AFF3: variants seen among roughly 807,000 people sequenced by gnomAD.
AFF3 encodes the protein AF4/FMR2 family member 3.
In AFF3, 32 loss-of-function variants were observed where a neutral mutation model predicts 129.7. The observed-to-expected ratio is 0.25, with a 90% CI of 0.19 to 0.33. The LOEUF (loss-of-function observed/expected upper bound fraction) is 0.33. Among genes scored for constraint, AFF3 ranks in the 10% least tolerant of loss-of-function variants. The probability of loss-of-function intolerance (pLI) is 1.00; values close to 1 mark genes in which losing one functional copy is unlikely to be tolerated. For missense variants in AFF3, 1,373 were observed against 1,592.0 expected (o/e 0.86, Z 2.34); for synonymous variants, 644 against 635.4 (o/e 1.01, Z -0.20).
intron 2 of AFF3, among the ~76,000 whole-genome samples, chr2:100,120,468 C>A (rs938207254): frequency 6.7e-6 from 1 of 150,148 alleles, no homozygotes; most frequent in African/African-American, 2.5e-5. Context: ...CACCCCCAAC[C>A]CCCACCCTCT....
chr2:100,086,635 T>C (rs1382699873), intron 4 of AFF3, among the ~76,000 whole-genome samples: 8 of 152,210 alleles, frequency 5.3e-5, no homozygotes, highest in African/African-American at 1.9e-4. Context: ...CAGGTAACAA[T>C]TCAAGTCCAG....
intron 22 of AFF3, among the ~76,000 whole-genome samples, chr2:99,557,318 C>T (rs1226660506): frequency 4.9e-5 from 7 of 141,562 alleles, no homozygotes; most frequent in East Asian, 2.0e-4. Context: ...CTCACTCTGT[C>T]GCCCAGGCTG....
chr2:99,629,493 C>T (rs1682927891), intron 13 of AFF3, among the ~76,000 whole-genome samples: 1 of 152,182 alleles, frequency 6.6e-6, no homozygotes, highest in African/African-American at 2.4e-5. Flanking sequence ...CAAAACACTG[C>T]TCAAAGCAAT....
At chr2:99,969,892 T>A (rs1398924310) in intron 7 of AFF3, among the ~76,000 whole-genome samples, 1 of 152,206 alleles carries the variant, frequency 6.6e-6, no homozygotes, top group Non-Finnish European at 1.5e-5. Context: ...GTATCTTTTA[T>A]AATTAGAACT....
chr2:99,979,035 A>ATG (rs1480439284), intron 7 of AFF3, among the ~76,000 whole-genome samples: 14,242 of 152,032 alleles, frequency 0.094, 919 homozygotes, highest in Non-Finnish European at 0.13. Context: ...GAAGAGATCA[A>ATG]CGCAATGATC....
chr2:99,618,224 CTTTTTT>C (rs70940180), intron 13 of AFF3, among the ~76,000 whole-genome samples: 109 of 80,038 alleles, frequency 1.4e-3, no homozygotes, highest in Middle Eastern at 6.9e-3. Context: ...TCATAACATT[CTTTTTT>C]TTTTTTTTTT....
chr2:99,921,521 C>T (rs375751414), intron 7 of AFF3, among the ~76,000 whole-genome samples: 86 of 152,220 alleles, frequency 5.6e-4, no homozygotes, highest in African/African-American at 2.0e-3. Context: ...GTTTTAATAA[C>T]TGTACCATGG....
chr2:99,601,574 T>C lies in AFF3; in HGVS notation c.1232A>G (p.Lys411Arg), dbSNP rs764475779. The C allele has an allele frequency of 5.0e-6, 8 of 1,600,594 alleles. No homozygotes were observed. The East Asian group carries it at 1.8e-4, about 36-fold the overall frequency. The change falls in exon 14 of 25, where the codon AAG becomes AGG. Residue 411 changes from lysine to arginine, a missense_variant. Lys to Arg is a conservative substitution (Grantham distance 26, BLOSUM62 2). Transcript: ENST00000672756. The part of the protein sequence containing the change: ...PNCRTSVPSS[K>R]GSSSSSSSGS... ...GCTGCTGCTGCTGCTGCTGCTGCCC[T>C]TGCTGGAAGGCACCGAGGTTCTGCA...
chr2:99,558,525 CAGG>C (rs1221341047), intron 22 of AFF3, among the ~76,000 whole-genome samples: 1 of 152,094 alleles, frequency 6.6e-6, no homozygotes, highest in Non-Finnish European at 1.5e-5. Flanking sequence ...GAGGCTGAGG[CAGG>C]AGAATTGCTT....
At chr2:99,688,264 C>G (rs577645874) in intron 11 of AFF3, among the ~76,000 whole-genome samples, 1 of 152,264 alleles carries the variant, frequency 6.6e-6, no homozygotes, top group East Asian at 1.9e-4. Flanking sequence ...TGCAGGCACT[C>G]TGTACATACA....
In AFF3 at chr2:99,807,739, C is replaced by T. The variant is rs138669898; in HGVS notation, c.921+29738G>A. Among the ~76,000 whole-genome samples the T allele has an allele frequency of 4.6e-5, 7 of 152,308 alleles. No homozygotes were observed. In the East Asian group the frequency reaches 1.4e-3, roughly 29 times the overall value. On this transcript the variant is annotated intron_variant, in intron 8 of 24. Coordinates refer to ENST00000672756, the MANE Select transcript of AFF3 (RefSeq NM_001386135.1). ...TTAGCAGGGGGACCAGGCACAGTTC[C>T]TGCTTATCGCTGAGTGGCGGGTTTA...
At chr2:100,004,894 T>C (rs1681820595) in intron 7 of AFF3, among the ~76,000 whole-genome samples, 1 of 152,122 alleles carries the variant, frequency 6.6e-6, no homozygotes, top group African/African-American at 2.4e-5. Flanking sequence ...ATTTTTAACT[T>C]TCTTCTACAA....
intron 12 of AFF3, among the ~76,000 whole-genome samples, chr2:99,650,719 C>T (rs897761349): frequency 6.6e-6 from 1 of 151,746 alleles, no homozygotes; most frequent in Non-Finnish European, 1.5e-5. Context: ...CATTTCCCTA[C>T]ATGAAATGAA....
At chr2:99,615,392 C>T (rs1037465883) in intron 13 of AFF3, among the ~76,000 whole-genome samples, 1 of 152,216 alleles carries the variant, frequency 6.6e-6, no homozygotes, top group Non-Finnish European at 1.5e-5. Context: ...CTGTGACAAG[C>T]GGCAGCTGCC....
chr2:100,114,653 A>T (rs1691660057), intron 2 of AFF3, among the ~76,000 whole-genome samples: 1 of 152,088 alleles, frequency 6.6e-6, no homozygotes, highest in South Asian at 2.1e-4. Context: ...AAGTGTTGGG[A>T]TTACAGGCGT....
chr2:100,106,938 A>G (rs1383224597), intron 2 of AFF3: 1 of 985,372 alleles, frequency 1.0e-6, no homozygotes, highest in Non-Finnish European at 1.2e-6. Flanking sequence ...GGCCTCTCCC[A>G]AAAAGCCATG....
intron 8 of AFF3, among the ~76,000 whole-genome samples, chr2:99,775,778 G>T (rs774307402): frequency 1.3e-5 from 2 of 151,940 alleles, no homozygotes; most frequent in Non-Finnish European, 1.5e-5. Context: ...ATTCCTGAAA[G>T]ACGACAACAT....
At chr2:100,029,925 G>A (rs1684355257) in intron 4 of AFF3, among the ~76,000 whole-genome samples, 1 of 152,124 alleles carries the variant, frequency 6.6e-6, no homozygotes. Flanking sequence ...TAATTAGCCA[G>A]GCATGGTGGT....
At chr2:99,837,343 T>C (rs2105791199) in intron 8 of AFF3, 134 bp downstream of exon 8, 2 of 832,050 alleles carry the variant, frequency 2.4e-6, no homozygotes, top group East Asian at 5.3e-5. Context: ...TTCAAAAACT[T>C]ATGTGACTAC....
Sources: gnomAD v4.1 joint callset for allele counts (sites outside exome capture counted in the v4.1 genomes callset) on GRCh38, gnomAD v4.1.1 for gene constraint, MANE v1.5 for transcripts, NCBI Gene and HGNC (gene_info 2026-07-23, HGNC 2026-07-21) for gene names.